OR2M3: variants seen among roughly 807,000 people sequenced by gnomAD.
The protein encoded by OR2M3 is olfactory receptor family 2 subfamily M member 3, also known as olfactory receptor 2M3.
Under a neutral mutation model 4.3 loss-of-function variants are expected in OR2M3, and 1 was observed. The ratio of observed to expected loss-of-function variants is 0.23; its 90% CI spans 0.08 to 1.11. The LOEUF is 1.11. Among genes scored for constraint, OR2M3 ranks in the 50% most tolerant of loss-of-function variants. The pLI is 0.54. For synonymous variants in OR2M3, 151 were observed against 139.4 expected (o/e 1.08, Z -0.59); for missense variants, 410 against 390.4 (o/e 1.05, Z -0.42).
At chr1:248,201,957 A>G (rs1666162137) in intron 1 of OR2M3, among the ~76,000 whole-genome samples, 1 of 152,156 alleles carries the variant, frequency 6.6e-6, no homozygotes, top group South Asian at 2.1e-4. Context: ...GTGGTTGGAA[A>G]GAGTGGATTT....
Position 248,204,552 on chromosome 1 carries a change from C to T in OR2M3, c.*546C>T, listed in dbSNP as rs2103014566. On this transcript the variant is annotated 3_prime_UTR_variant, in exon 2 of 2. Coordinates refer to ENST00000641626, the MANE Select transcript of OR2M3 (RefSeq NM_001004689.2). ...ATAGTCTCTAATTCCATCCCAGTTGCTGTGAATGCCATTATTTTGTATTTT... is the reference window on the plus strand; with the variant it reads ...ATAGTCTCTAATTCCATCCCAGTTGTTGTGAATGCCATTATTTTGTATTTT... 6.5e-6 allele frequency: 1 copy of T among 152,690 alleles called. No individual in the cohort carries two copies. Among genetic ancestry groups the T allele is most frequent in the African/African-American group, 2.4e-5 (1 of 41,412 alleles). 9.5% of individuals were successfully genotyped at this position (152,690 alleles called of 1,614,324 possible). A position where few individuals can be genotyped will look rare whatever the true frequency, so the allele number is the denominator to read the frequency against.
rs1205777281 is a variant in OR2M3 at position 248,208,610 on chromosome 1, CTAA to C, written c.*4609_*4611del. On this transcript the variant is annotated 3_prime_UTR_variant, in exon 2 of 2. Coordinates refer to ENST00000641626, the MANE Select transcript of OR2M3 (RefSeq NM_001004689.2). The stretch of plus-strand genomic sequence containing the variant: ...GCTTCGCTGGATACAAAATTCTTAG[CTAA>C]TAATTATTTTATTTAAGGAGGCTGA... 4 of 152,140 alleles carry C rather than the reference CTAA, an allele frequency of 2.6e-5. No homozygotes were observed. The highest frequency in any genetic ancestry group is 9.7e-5 in the African/African-American group (4 of 41,418). The allele number at this position is 152,140 out of a possible 1,614,324, so 9.4% of individuals were successfully genotyped here.
Position 248,203,123 on chromosome 1 carries a change from A to T in OR2M3, c.56A>T (p.Asn19Ile), listed in dbSNP as rs139155475. Residue 19 changes from asparagine to isoleucine, a missense_variant, in exon 2 of 2, where the codon AAT becomes ATT. Transcript: ENST00000641626. The part of the protein sequence containing the change: ...NSDFILLGIF[N>I]HSPTHTFLFF... ...GACTTCATCCTCCTGGGAATCTTCA[A>T]TCACAGCCCCACCCACACCTTCCTC... 1 of 1,613,920 alleles carries T rather than the reference A, an allele frequency of 6.2e-7. No homozygotes were observed.
Position 248,209,503 on chromosome 1 carries a change from G to A in OR2M3, c.*5497G>A, listed in dbSNP as rs1260562174. 1.3e-5 allele frequency: 2 copies of A among 152,082 alleles called. No individual in the cohort carries two copies. Among genetic ancestry groups the A allele is most frequent in the African/African-American group, 2.4e-5 (1 of 41,408 alleles). 9.4% of individuals were successfully genotyped at this position (152,082 alleles called of 1,614,324 possible). A position where few individuals can be genotyped will look rare whatever the true frequency, so the allele number is the denominator to read the frequency against. On this transcript the variant is annotated 3_prime_UTR_variant, in exon 2 of 2. Coordinates refer to ENST00000641626, the MANE Select transcript of OR2M3 (RefSeq NM_001004689.2). ...TGTTCAGTGTCTTTTGTCCCACTGA[G>A]TGCTCCCTCGATGTGGTGTTCTCAT...
intron 1 of OR2M3, among the ~76,000 whole-genome samples, chr1:248,200,932 T>A (rs1247659452): frequency 2.0e-5 from 3 of 152,174 alleles, no homozygotes; most frequent in Non-Finnish European, 2.9e-5. Context: ...CTTCCTAGAT[T>A]ATTCAGCTTT....
In OR2M3 at chr1:248,210,122, G is replaced by A. The variant is rs994117387; in HGVS notation, c.*6116G>A. 6.5e-6 allele frequency: 1 copy of A among 152,852 alleles called. No homozygotes were observed. The highest frequency in any genetic ancestry group is 2.4e-5 in the African/African-American group (1 of 41,480). 9.5% of individuals were successfully genotyped at this position (152,852 alleles called of 1,614,324 possible). A position where few individuals can be genotyped will look rare whatever the true frequency, so the allele number is the denominator to read the frequency against. On this transcript the variant is annotated 3_prime_UTR_variant, in exon 2 of 2. Coordinates refer to ENST00000641626, the MANE Select transcript of OR2M3 (RefSeq NM_001004689.2). ...TAGGTCACCAGAAAAGTGGGAGAAA[G>A]CCGGCAGTCACCAGCTTCACTCAGC...
rs984157833 is a variant in OR2M3, at chr1:248,206,766, T to C, written c.*2760T>C. Reference sequence around the variant, plus strand: ...TCATCAGGGATATTGGTCTGTAGTCTGTAGTTTTCTTTTTTTGTTATGTCT... The same window carrying C: ...TCATCAGGGATATTGGTCTGTAGTCCGTAGTTTTCTTTTTTTGTTATGTCT... On this transcript the variant is annotated 3_prime_UTR_variant, in exon 2 of 2. Transcript: ENST00000641626. 1.3e-5 allele frequency: 2 copies of C among 152,032 alleles called. No homozygotes were observed. The highest frequency in any genetic ancestry group is 2.4e-5 in the African/African-American group (1 of 41,408). 9.4% of individuals were successfully genotyped at this position (152,032 alleles called of 1,614,324 possible).
At position 248,207,937 on chromosome 1, in the gene OR2M3, T is replaced by G. The variant is rs1396747591; in HGVS notation, c.*3931T>G. 6.6e-6 allele frequency: 1 copy of G among 152,104 alleles called. No homozygotes were observed. The highest frequency in any genetic ancestry group is 1.9e-4 in the East Asian group (1 of 5,202). 9.4% of individuals were successfully genotyped at this position (152,104 alleles called of 1,614,324 possible). ...GTCCCCCACTATTATTGCATTGTCA[T>G]CTATCTCCTTTCTTAGGTCTAGTAG... is the stretch of plus-strand genomic sequence containing the variant. On this transcript the variant is annotated 3_prime_UTR_variant, in exon 2 of 2. Coordinates refer to ENST00000641626, the MANE Select transcript of OR2M3 (RefSeq NM_001004689.2).
rs1244157302 is a variant in OR2M3 at position 248,204,560 on chromosome 1, G to A, written c.*554G>A. Reference sequence around the variant, plus strand: ...TAATTCCATCCCAGTTGCTGTGAATGCCATTATTTTGTATTTTTTATGACT... The same window carrying A: ...TAATTCCATCCCAGTTGCTGTGAATACCATTATTTTGTATTTTTTATGACT... On this transcript the variant is annotated 3_prime_UTR_variant, in exon 2 of 2. Coordinates refer to ENST00000641626, the MANE Select transcript of OR2M3 (RefSeq NM_001004689.2). 1 of 152,386 alleles carries A rather than the reference G, an allele frequency of 6.6e-6. No individual in the cohort carries two copies. The highest frequency in any genetic ancestry group is 2.4e-5 in the African/African-American group (1 of 41,234). 9.4% of individuals were successfully genotyped at this position (152,386 alleles called of 1,614,324 possible). A position where few individuals can be genotyped will look rare whatever the true frequency, so the allele number is the denominator to read the frequency against.
At position 248,209,993 on chromosome 1, in the gene OR2M3, G is replaced by A. The variant is rs1666264491; in HGVS notation, c.*5987G>A. On this transcript the variant is annotated 3_prime_UTR_variant, in exon 2 of 2. Coordinates refer to ENST00000641626, the MANE Select transcript of OR2M3 (RefSeq NM_001004689.2). ...CTGTGTCTGAGTTCAGCCTCTTCTT[G>A]GGTGGGGCTTGCTGCTGCTGCTGCT... The A allele has an allele frequency of 1.3e-5, 2 of 152,874 alleles. No homozygotes were observed. Among genetic ancestry groups the A allele is most frequent in the Admixed American group, 1.3e-4 (2 of 15,282 alleles). 9.5% of individuals were successfully genotyped at this position (152,874 alleles called of 1,614,324 possible).
Position 248,208,166 on chromosome 1 carries a change from G to A in OR2M3, c.*4160G>A, listed in dbSNP as rs1666243764. The A allele has an allele frequency of 6.6e-6, 1 of 151,830 alleles. No homozygotes were observed. The highest frequency in any genetic ancestry group is 2.4e-5 in the African/African-American group (1 of 41,320). The allele number at this position is 151,830 out of a possible 1,614,324, so 9.4% of individuals were successfully genotyped here. ...TTTGGTGTCAATTTGCATGGAATAT[G>A]TTCTTTCACCCCTTTAACTTAAGTT... On this transcript the variant is annotated 3_prime_UTR_variant, in exon 2 of 2. Coordinates refer to ENST00000641626, the MANE Select transcript of OR2M3 (RefSeq NM_001004689.2).
intron 1 of OR2M3, among the ~76,000 whole-genome samples, chr1:248,200,994 A>G (rs1041526215): frequency 6.6e-6 from 1 of 152,110 alleles, no homozygotes; most frequent in Non-Finnish European, 1.5e-5. Context: ...GCATGAATAA[A>G]TGAGAAAATG....
chr1:248,203,478 C>T lies in OR2M3; in HGVS notation c.411C>T (p.Ser137=). The change falls in exon 2 of 2, where the codon AGC becomes AGT. Residue 137 remains serine, a synonymous_variant. Coordinates refer to ENST00000641626, the MANE Select transcript of OR2M3 (RefSeq NM_001004689.2). The part of the protein sequence containing the change: ...CHPLRYTNLM[S]PKICGLMTAF... ...CTCTAAGATACACCAATCTCATGAGCCCTAAAATTTGTGGACTTATGACTG... is the reference window on the plus strand; with the variant it reads ...CTCTAAGATACACCAATCTCATGAGTCCTAAAATTTGTGGACTTATGACTG... 6.2e-7 allele frequency: 1 copy of T among 1,613,778 alleles called. No individual in the cohort carries two copies. Among genetic ancestry groups the T allele is most frequent in the Non-Finnish European group, 8.5e-7 (1 of 1,179,854 alleles).
rs115763915 is a variant in OR2M3 at position 248,197,630 on chromosome 1, G to A, written c.-19+329G>A. Among the ~76,000 whole-genome samples, 1,310 of 152,228 alleles carry A rather than the reference G, an allele frequency of 8.6e-3. 20 individuals carry two copies. The highest frequency in any genetic ancestry group is 0.013 in the Non-Finnish European group (868 of 67,986). On this transcript the variant is annotated intron_variant, in intron 1 of 1. Transcript: ENST00000641626. The stretch of plus-strand genomic sequence containing the variant: ...ATGTCAGAGGAGAAGAGTAGCAGAT[G>A]AGAACCATAAACAATGATTTGAAAA...
intron 1 of OR2M3, among the ~76,000 whole-genome samples, chr1:248,200,182 C>T (rs1030650288): frequency 6.6e-6 from 1 of 152,002 alleles, no homozygotes; most frequent in Admixed American, 6.6e-5. Context: ...TATGGTGGAA[C>T]TTTGAGGTAA....
chr1:248,203,410 T>C lies in OR2M3; in HGVS notation c.343T>C (p.Leu115=). 6.2e-7 allele frequency: 1 copy of C among 1,614,100 alleles called. No homozygotes were observed. Among genetic ancestry groups the C allele is most frequent in the Non-Finnish European group, 8.5e-7 (1 of 1,179,996 alleles). Residue 115 remains leucine, a synonymous_variant, in exon 2 of 2, where the codon TTG becomes CTG. Transcript: ENST00000641626. ...TSLLGSECFL[L]AVMAYDRYTA... Reference sequence around the variant, plus strand: ...ACTGCTTGGCTCTGAGTGCTTTCTTTTGGCTGTTATGGCTTATGACCGCTA... The same window carrying C: ...ACTGCTTGGCTCTGAGTGCTTTCTTCTGGCTGTTATGGCTTATGACCGCTA...
At position 248,204,330 on chromosome 1, in the gene OR2M3, G is replaced by C; in HGVS notation, c.*324G>C. The stretch of plus-strand genomic sequence containing the variant: ...TTTAGTGATGATTTCTGAGATTTTG[G>C]TGCACCCATCACCCAAGCAGTATTC... On this transcript the variant is annotated 3_prime_UTR_variant, in exon 2 of 2. Coordinates refer to ENST00000641626, the MANE Select transcript of OR2M3 (RefSeq NM_001004689.2). 1 of 211,240 alleles carries C rather than the reference G, an allele frequency of 4.7e-6. No homozygotes were observed. Among genetic ancestry groups the C allele is most frequent in the East Asian group, 1.3e-4 (1 of 7,656 alleles). 13.1% of individuals were successfully genotyped at this position (211,240 alleles called of 1,614,324 possible).
In OR2M3 at chr1:248,203,299, G is replaced by A. The variant is rs141884297; in HGVS notation, c.232G>A (p.Val78Ile). 2,368 of 1,613,980 alleles carry A rather than the reference G, an allele frequency of 1.5e-3. 24 individuals are homozygous for A. The African/African-American group carries it at 0.024, about 16-fold the overall frequency. ...LMDLMLICTT[V>I]PKMAFNYLSG... ...GGACCTCATGCTCATCTGCACCACC[G>A]TACCCAAGATGGCCTTCAACTACCT... is the stretch of plus-strand genomic sequence containing the variant. The change falls in exon 2 of 2, where the codon GTA (valine) becomes ATA (isoleucine). Residue 78 changes from valine to isoleucine, a missense_variant. Val to Ile is a conservative substitution (Grantham distance 29, BLOSUM62 3). Transcript: ENST00000641626.
rs1170060105 is a variant in OR2M3, at chr1:248,208,276, T to C, written c.*4270T>C. 1.3e-5 allele frequency: 2 copies of C among 152,148 alleles called. No homozygotes were observed. The highest frequency in any genetic ancestry group is 2.9e-5 in the Non-Finnish European group (2 of 68,002). 9.4% of individuals were successfully genotyped at this position (152,148 alleles called of 1,614,324 possible). ...TTCTTATCCATTCTGCCATTCTGTA[T>C]TTTTTAAGTGGAACATTTAGGCCAC... On this transcript the variant is annotated 3_prime_UTR_variant, in exon 2 of 2. Transcript: ENST00000641626.
Sources: gnomAD v4.1 joint callset for allele counts (sites outside exome capture counted in the v4.1 genomes callset) on GRCh38, gnomAD v4.1.1 for gene constraint, MANE v1.5 for transcripts, NCBI Gene and HGNC (gene_info 2026-07-23, HGNC 2026-07-21) for gene names.